The following TAC1 variants were observed in gnomAD, a reference collection of about 807,000 sequenced individuals.
TAC1 encodes protachykinin-1.
TAC1 carries 12 observed loss-of-function variants against 21.7 expected under a neutral mutation model. The observed-to-expected ratio is 0.55, with a 90% CI of 0.35 to 0.89. The LOEUF is 0.89. TAC1 is among the 40% of genes least tolerant of loss of function. The probability of loss-of-function intolerance (pLI) is 0.01; values close to 1 mark genes in which losing one functional copy is unlikely to be tolerated. For synonymous variants in TAC1, 52 were observed against 52.0 expected (o/e 1.00, Z 0.00); for missense variants, 128 against 151.4 (o/e 0.85, Z 0.81).
chr7:97,738,750 G>C (rs1374734220), intron 6 of TAC1, among the ~76,000 whole-genome samples: 1 of 151,906 alleles, frequency 6.6e-6, no homozygotes, highest in East Asian at 1.9e-4. Context: ...TTCTCACTGA[G>C]GAAACTGTTT....
chr7:97,738,254 C>T (rs1456401799), intron 6 of TAC1, among the ~76,000 whole-genome samples: 1 of 151,886 alleles, frequency 6.6e-6, no homozygotes, highest in African/African-American at 2.4e-5. Flanking sequence ...GTCAGGGACC[C>T]CTTTGACAAT....
chr7:97,737,528 C>T lies in TAC1; in HGVS notation c.343+1176C>T, dbSNP rs1184091537. On this transcript the variant is annotated intron_variant, in intron 6 of 6. Coordinates refer to ENST00000319273, the MANE Select transcript of TAC1 (RefSeq NM_003182.3). ...AAAAAAGTTAACACAATCTGGGCTA[C>T]GGCAGAAGCCAGAGAATATATTCAT... 2.6e-5 allele frequency among the ~76,000 whole-genome samples: 4 copies of T among 151,916 alleles called. 1 individual carries two copies. The East Asian group carries it at 5.8e-4, about 22-fold the overall frequency.
At position 97,732,728 on chromosome 7, in the gene TAC1, A is replaced by G; in HGVS notation, c.116A>G (p.Gln39Arg). Residue 39 changes from glutamine (Q) to arginine (R), a missense_variant, in exon 2 of 7, where the codon CAG (glutamine) becomes CGG (arginine). Gln to Arg is a conservative substitution (Grantham distance 43). Transcript: ENST00000319273. The surrounding 1 kb of genome is among the most constrained non-coding windows in gnomAD (Gnocchi z 6.2). ...NYWSDWYDSD[Q>R]IKEELPEPFE... Reference sequence around the variant, plus strand: ...TGGTCCGACTGGTACGACAGCGACCAGATCAAGGTGAGGCCCCTTCCCAGG... The same window carrying G: ...TGGTCCGACTGGTACGACAGCGACCGGATCAAGGTGAGGCCCCTTCCCAGG... 1 of 1,613,770 alleles carries G rather than the reference A, an allele frequency of 6.2e-7. No homozygotes were observed. Among genetic ancestry groups the G allele is most frequent in the Non-Finnish European group, 8.5e-7 (1 of 1,179,942 alleles).
At chr7:97,739,068 C>A (rs574462081) in intron 6 of TAC1, among the ~76,000 whole-genome samples, 1 of 145,114 alleles carries the variant, frequency 6.9e-6, no homozygotes, top group African/African-American at 2.5e-5. Flanking sequence ...AAATTACTTG[C>A]TAGCTATATG....
At chr7:97,734,170 G>A in intron 3 of TAC1, 78 bp from the exon 4 acceptor site, 2 of 1,399,322 alleles carry the variant, frequency 1.4e-6, no homozygotes, top group South Asian at 1.2e-5. Context: ...CATTTGTCTT[G>A]GGATAGAAAT....
At chr7:97,738,986 T>TTA (rs1056813955) in intron 6 of TAC1, among the ~76,000 whole-genome samples, 1 of 149,772 alleles carries the variant, frequency 6.7e-6, no homozygotes, top group Non-Finnish European at 1.5e-5. Context: ...CCCTTTGAAA[T>TTA]TATATATAAT....
chr7:97,732,568 C>A lies in TAC1; in HGVS notation c.-9-36C>A, dbSNP rs1287583064. ...ACCACCCCTAATAGATACATTATTT[C>A]TCTCTTTGGTGTCTTCTCCTCCTAC... On this transcript the variant is annotated intron_variant, in intron 1 of 6. Transcript: ENST00000319273. This position sits in a 1 kb window ranked among gnomAD's most constrained non-coding sequence, Gnocchi z 6.2. 3 of 1,611,754 alleles carry A rather than the reference C, an allele frequency of 1.9e-6. No individual in the cohort carries two copies. The African/African-American group carries it at 4.0e-5, about 22-fold the overall frequency.
chr7:97,734,429 C>T (rs1347594813), intron 4 of TAC1, 137 bp downstream of exon 4: 2 of 706,064 alleles, frequency 2.8e-6, no homozygotes, highest in Non-Finnish European at 4.8e-6. Context: ...CACTCTCTCT[C>T]GGTTTCTCTC....
intron 6 of TAC1, among the ~76,000 whole-genome samples, chr7:97,739,207 G>C (rs1301099230): frequency 6.6e-6 from 1 of 151,866 alleles, no homozygotes. Context: ...TTAGTCTTGA[G>C]GGCAGTCCAT....
Position 97,740,135 on chromosome 7 carries a change from G to T in TAC1, c.*215G>T, listed in dbSNP as rs1354608716. ...GACTCCCTTAAAATAGAAATAAGTGGTTATTTCTCAACAAAGCACAGTGTT... is the reference window on the plus strand; with the variant it reads ...GACTCCCTTAAAATAGAAATAAGTGTTTATTTCTCAACAAAGCACAGTGTT... On this transcript the variant is annotated 3_prime_UTR_variant, in exon 7 of 7. Transcript: ENST00000319273. The T allele has an allele frequency of 5.4e-6, 2 of 367,656 alleles. No individual in the cohort carries two copies. Among genetic ancestry groups the T allele is most frequent in the Non-Finnish European group, 9.8e-6 (2 of 204,224 alleles). 22.8% of individuals were successfully genotyped at this position (367,656 alleles called of 1,614,324 possible). A position where few individuals can be genotyped will look rare whatever the true frequency, so the allele number is the denominator to read the frequency against.
chr7:97,733,520 G>A (rs1482073699), intron 2 of TAC1, among the ~76,000 whole-genome samples: 1 of 152,184 alleles, frequency 6.6e-6, no homozygotes, highest in African/African-American at 2.4e-5. Flanking sequence ...CGCCCTGGCA[G>A]GCTTGCGGGG....
Position 97,733,758 on chromosome 7 carries a change from G to C in TAC1, c.159G>C (p.Gln53His). ...CGGAGCCCTTTGAGCATCTTCTGCAGAGAATCGCCCGGAGACCCAAGCCTC... is the reference window on the plus strand; with the variant it reads ...CGGAGCCCTTTGAGCATCTTCTGCACAGAATCGCCCGGAGACCCAAGCCTC... ...ELPEPFEHLL[Q>H]RIARRPKPQQ... The change falls in exon 3 of 7, where the codon CAG becomes CAC. Residue 53 changes from glutamine to histidine, a missense_variant. By Grantham distance (24) the Gln-to-His change is conservative. Transcript: ENST00000319273. 4 of 1,614,186 alleles carry C rather than the reference G, an allele frequency of 2.5e-6. No homozygotes were observed. The highest frequency in any genetic ancestry group is 3.4e-6 in the Non-Finnish European group (4 of 1,180,028).
At chr7:97,737,670 C>A (rs946776246) in intron 6 of TAC1, among the ~76,000 whole-genome samples, 12 of 151,906 alleles carry the variant, frequency 7.9e-5, no homozygotes, top group Admixed American at 7.2e-4. Flanking sequence ...CTTATTGGGT[C>A]CCCACTTTCT....
In TAC1 at chr7:97,736,313, T is replaced by G. The variant is rs1789573199; in HGVS notation, c.304T>G (p.Ser102Ala). 6.2e-7 allele frequency: 1 copy of G among 1,611,540 alleles called. No homozygotes were observed. The highest frequency in any genetic ancestry group is 8.5e-7 in the Non-Finnish European group (1 of 1,178,466). The change falls in exon 6 of 7, where the codon TCC becomes GCC. Residue 102 changes from serine to alanine, a missense_variant. Transcript: ENST00000319273. Reference protein sequence around the residue: ...QISHKRHKTDSFVGLMGKRAL... With the variant: ...QISHKRHKTDAFVGLMGKRAL... ...TATTTTTCCAGGACATAAAACAGAT[T>G]CCTTTGTTGGACTAATGGGCAAAAG...
chr7:97,739,011 A>ATAATATAATATAATATAAT (rs1384085741), intron 6 of TAC1, among the ~76,000 whole-genome samples: 1 of 150,068 alleles, frequency 6.7e-6, no homozygotes, highest in African/African-American at 2.4e-5. Context: ...ATAATATAAT[A>ATAATATAATATAATATAAT]TAATATACAA....
At chr7:97,735,813 T>C (rs1243133128) in intron 5 of TAC1, among the ~76,000 whole-genome samples, 1 of 152,088 alleles carries the variant, frequency 6.6e-6, no homozygotes, top group Admixed American at 6.5e-5. Flanking sequence ...CTGAAAGGAG[T>C]ATCTTTTAAT....
chr7:97,734,439 C>T (rs1284713616), intron 4 of TAC1, 147 bp downstream of exon 4: 5 of 676,158 alleles, frequency 7.4e-6, no homozygotes, highest in Non-Finnish European at 1.3e-5. Flanking sequence ...CGGTTTCTCT[C>T]TCTCTCTGTC....
intron 2 of TAC1, among the ~76,000 whole-genome samples, chr7:97,733,510 C>G (rs1789482159): frequency 6.6e-6 from 1 of 152,074 alleles, no homozygotes; most frequent in Admixed American, 6.5e-5. Flanking sequence ...GCTGCTAACT[C>G]GCCCTGGCAG....
intron 6 of TAC1, among the ~76,000 whole-genome samples, chr7:97,736,829 G>A (rs940999278): frequency 6.6e-6 from 1 of 152,060 alleles, no homozygotes. Flanking sequence ...CACTTTTTAT[G>A]AAGTTGTAGA....
Sources: allele counts gnomAD v4.1 joint callset (sites outside exome capture counted in the v4.1 genomes callset), GRCh38; gene constraint gnomAD v4.1.1; non-coding constraint Gnocchi (gnomAD v3.1); transcripts MANE v1.5; gene names NCBI Gene and HGNC (gene_info 2026-07-23, HGNC 2026-07-21).